Variants in DENND1B observed in about 807,000 individuals in gnomAD.
DENND1B encodes DENN domain containing 1B.
In DENND1B, 59 loss-of-function variants were observed where a neutral mutation model predicts 90.1. That is an observed-to-expected ratio of 0.65 (90% CI 0.53 to 0.81). DENND1B has a LOEUF of 0.81. Ranked by LOEUF, DENND1B falls within the 40% of genes least tolerant of loss-of-function variation. The pLI, the probability that DENND1B is intolerant of heterozygous loss-of-function variation, is 0.00. For missense variants in DENND1B, 862 were observed against 912.6 expected, an observed-to-expected ratio of 0.94 and a Z score of 0.71; for synonymous variants, 337 against 324.6, an observed-to-expected ratio of 1.04 and a Z score of -0.41.
rs202109576 is a variant in DENND1B, at chr1:197,617,684, G to C, written c.748C>G (p.Pro250Ala). ...YWQHIYIPVL[P>A]PHLLDYCCAP... is the part of the protein sequence containing the mutation. ...CAGCAGTAGTCCAGCAGGTGTGGAG[G>C]AAGCACTGGGATGTATATGTGTTGC... The change falls in exon 11 of 23, where the codon CCT (proline) becomes GCT (alanine). Residue 250 changes from proline (P) to alanine (A), a missense_variant. Transcript: ENST00000620048. 2 of 1,607,514 alleles carry C rather than the reference G, an allele frequency of 1.2e-6. No homozygotes were observed. Among genetic ancestry groups the C allele is most frequent in the Middle Eastern group, 1.7e-4 (1 of 6,012 alleles).
rs1667933225 is a variant in DENND1B at position 197,510,328 on chromosome 1, C to T, written c.*132G>A. On this transcript the variant is annotated 3_prime_UTR_variant, in exon 23 of 23. Transcript: ENST00000620048. ...GCATTTCATATATCCTCGAAATGAA[C>T]AAGTGAGAAAAATGTTGCAAATGCA... 1 of 1,005,170 alleles carries T rather than the reference C, an allele frequency of 9.9e-7. No individual in the cohort carries two copies. Among genetic ancestry groups the T allele is most frequent in the Admixed American group, 3.1e-5 (1 of 32,014 alleles). The allele number at this position is 1,005,170 out of a possible 1,614,324, so 62.3% of individuals were successfully genotyped here. A position where few individuals can be genotyped will look rare whatever the true frequency, so the allele number is the denominator to read the frequency against.
At chr1:197,742,404 T>A (rs986158989) in intron 2 of DENND1B, among the ~76,000 whole-genome samples, 1 of 152,148 alleles carries the variant, frequency 6.6e-6, no homozygotes, top group African/African-American at 2.4e-5. Context: ...GAAGAAAAGA[T>A]AACATCTCTG....
At chr1:197,640,963 C>T (rs1165197433) in intron 10 of DENND1B, among the ~76,000 whole-genome samples, 3 of 152,124 alleles carry the variant, frequency 2.0e-5, no homozygotes, top group Admixed American at 6.6e-5. Context: ...AAACAAAATA[C>T]TACCTCATTG....
At chr1:197,657,596 G>C (rs1236736335) in intron 6 of DENND1B, among the ~76,000 whole-genome samples, 2 of 152,110 alleles carry the variant, frequency 1.3e-5, no homozygotes, top group Non-Finnish European at 2.9e-5. Flanking sequence ...GCGAGTATTG[G>C]CAAGATTGTG....
In DENND1B at chr1:197,645,725, G is replaced by T. The variant is rs750864625; in HGVS notation, c.526C>A (p.Pro176Thr). The T allele has an allele frequency of 1.9e-6, 3 of 1,570,740 alleles. No homozygotes were observed. In the South Asian group the frequency reaches 3.7e-5, roughly 19 times the overall value. ...ALVPHSYFIA[P>T]DVTGLPTIPE... Reference sequence around the variant, plus strand: ...ATTGTTGGGAGTCCAGTTACATCAGGGGCAATGAAGTAGGAATGCTAATCA... The same window carrying T: ...ATTGTTGGGAGTCCAGTTACATCAGTGGCAATGAAGTAGGAATGCTAATCA... The change falls in exon 9 of 23, where the codon CCT becomes ACT. Residue 176 changes from proline to threonine, a missense_variant. Physicochemically the swap from Pro to Thr is conservative, Grantham distance 38. Coordinates refer to ENST00000620048, the MANE Select transcript of DENND1B (RefSeq NM_001195215.2).
At chr1:197,752,154 TAAAAA>T (rs773389678) in intron 2 of DENND1B, among the ~76,000 whole-genome samples, 1 of 151,374 alleles carries the variant, frequency 6.6e-6, no homozygotes, top group Non-Finnish European at 1.5e-5. Flanking sequence ...ACAAGACTAA[TAAAAA>T]AAGAGAGGTG....
chr1:197,506,756 G>A lies in DENND1B; in HGVS notation c.*3704C>T, dbSNP rs1571667176. The A allele has an allele frequency of 6.6e-6, 1 of 151,408 alleles. No individual in the cohort carries two copies. Among genetic ancestry groups the A allele is most frequent in the Non-Finnish European group, 1.5e-5 (1 of 67,586 alleles). The allele number at this position is 151,408 out of a possible 1,614,324, so 9.4% of individuals were successfully genotyped here. On this transcript the variant is annotated 3_prime_UTR_variant, in exon 23 of 23. Transcript: ENST00000620048. ...AGTTTTTATTTAGAAGGGAGAGACT[G>A]TTTCTACAGAACGCTGTTATTCATA...
chr1:197,658,491 C>A, intron 5 of DENND1B, 122 bp from the exon 6 acceptor site: 2 of 603,836 alleles, frequency 3.3e-6, no homozygotes, highest in Non-Finnish European at 2.8e-6. Flanking sequence ...AAGAACTATA[C>A]CCATTTTCTT....
chr1:197,691,722 G>A (rs1657910122), intron 3 of DENND1B, among the ~76,000 whole-genome samples: 1 of 151,902 alleles, frequency 6.6e-6, no homozygotes, highest in Non-Finnish European at 1.5e-5. Flanking sequence ...TCCATCAACA[G>A]ATGAATGGAT....
chr1:197,759,735 T>G (rs1299048406), intron 2 of DENND1B, among the ~76,000 whole-genome samples: 1 of 92,688 alleles, frequency 1.1e-5, no homozygotes, highest in African/African-American at 4.5e-5. Context: ...TGAGCAAGAC[T>G]CCGTCTCAAA....
intron 5 of DENND1B, among the ~76,000 whole-genome samples, chr1:197,669,814 A>G (rs890614050): frequency 1.3e-5 from 2 of 152,132 alleles, no homozygotes; most frequent in Non-Finnish European, 2.9e-5. Flanking sequence ...ACATTATTTT[A>G]AATAAAAGAT....
Position 197,580,250 on chromosome 1 carries a change from C to T in DENND1B, c.1149+2902G>A, listed in dbSNP as rs574518522. ...GGGATTACATGCACCTGCCACCACG[C>T]CCAGCTAATTTTTTTTTTTTTTTTT... On this transcript the variant is annotated intron_variant, in intron 15 of 22. Coordinates refer to ENST00000620048, the MANE Select transcript of DENND1B (RefSeq NM_001195215.2). 5.6e-5 allele frequency among the ~76,000 whole-genome samples: 8 copies of T among 141,696 alleles called. No individual in the cohort carries two copies. The East Asian group carries it at 1.6e-3, about 28-fold the overall frequency. 93.0% of individuals were successfully genotyped at this position (141,696 alleles called of 152,430 possible).
intron 5 of DENND1B, among the ~76,000 whole-genome samples, chr1:197,670,443 C>CTG (rs60648023): frequency 0.044 from 4,392 of 99,530 alleles, 132 homozygotes; most frequent in Non-Finnish European, 0.051. Context: ...GGGGGGAAGA[C>CTG]TGTGTGTGTG....
chr1:197,553,234 T>A, intron 15 of DENND1B, 122 bp from the exon 16 acceptor site: 1 of 738,950 alleles, frequency 1.4e-6, no homozygotes, highest in Non-Finnish European at 2.0e-6. Context: ...CAGACTCTTG[T>A]ATAAATTACA....
At chr1:197,770,827 TATATCTATAA>T (rs1354051763) in intron 2 of DENND1B, among the ~76,000 whole-genome samples, 2 of 96,878 alleles carry the variant, frequency 2.1e-5, no homozygotes, top group Non-Finnish European at 4.9e-5. Flanking sequence ...TATGTAAATA[TATATCTATAA>T]ATATATATAA....
intron 3 of DENND1B, among the ~76,000 whole-genome samples, chr1:197,707,575 T>C (rs1659681904): frequency 6.8e-6 from 1 of 147,892 alleles, no homozygotes; most frequent in African/African-American, 2.5e-5. Flanking sequence ...TGTAATTATA[T>C]GCATATATTT....
intron 3 of DENND1B, among the ~76,000 whole-genome samples, chr1:197,707,930 CA>C (rs1245244266): frequency 2.0e-5 from 3 of 151,746 alleles, no homozygotes; most frequent in Admixed American, 1.3e-4. Context: ...CGCAAGGGGT[CA>C]GGGAGTTCCC....
intron 15 of DENND1B, among the ~76,000 whole-genome samples, chr1:197,560,523 G>A (rs1672075532): frequency 6.6e-6 from 1 of 151,794 alleles, no homozygotes. Context: ...GTCTCATGAA[G>A]ACAGCATTTA....
intron 12 of DENND1B, among the ~76,000 whole-genome samples, chr1:197,607,950 G>T (rs1224785485): frequency 6.7e-6 from 1 of 150,230 alleles, no homozygotes; most frequent in Non-Finnish European, 1.5e-5. Flanking sequence ...AATTTTATTA[G>T]TCTTATTTAA....
Sources: allele counts gnomAD v4.1 joint callset (sites outside exome capture counted in the v4.1 genomes callset), GRCh38; gene constraint gnomAD v4.1.1; transcripts MANE v1.5; gene names NCBI Gene and HGNC (gene_info 2026-07-23, HGNC 2026-07-21).